The following MAD1L1 variants were observed in gnomAD, a reference collection of about 807,000 sequenced individuals.
The protein encoded by MAD1L1 is mitotic spindle assembly checkpoint protein MAD1.
Under a neutral mutation model 96.9 loss-of-function variants are expected in MAD1L1, and 95 were observed. The ratio of observed to expected loss-of-function variants is 0.98; its 90% confidence interval spans 0.83 to 1.16. The LOEUF is 1.16. Among genes scored for constraint, MAD1L1 ranks in the 50% most tolerant of loss-of-function variants. MAD1L1 has a pLI of 0.00. For synonymous variants in MAD1L1, 473 were observed against 396.6 expected (o/e 1.19, Z -2.29); for missense variants, 1,007 against 954.4 (o/e 1.06, Z -0.73).
At chr7:1,870,987 TG>T (rs149106182) in intron 18 of MAD1L1, among the ~76,000 whole-genome samples, 1,687 of 137,280 alleles carry the variant, frequency 0.012, 71 homozygotes, top group African/African-American at 0.044. Flanking sequence ...AACATACGCC[TG>T]CCATGCCGAA....
chr7:2,219,515 C>G, intron 5 of MAD1L1, 59 bp from the exon 6 acceptor site: 1 of 1,583,632 alleles, frequency 6.3e-7, no homozygotes, highest in East Asian at 2.3e-5. Flanking sequence ...GTGGAAGGAG[C>G]CTGCACATGG....
At chr7:2,107,060 C>G (rs1278904738) in intron 11 of MAD1L1, among the ~76,000 whole-genome samples, 2 of 152,228 alleles carry the variant, frequency 1.3e-5, no homozygotes, top group Non-Finnish European at 2.9e-5. Flanking sequence ...CACCCACATA[C>G]AGCATCACTC....
chr7:2,064,077 T>C (rs1023408531), intron 12 of MAD1L1, among the ~76,000 whole-genome samples: 11 of 152,186 alleles, frequency 7.2e-5, no homozygotes, highest in Admixed American at 7.2e-4. Flanking sequence ...TGTCCTGTTC[T>C]GGGCCTGGCC....
chr7:1,929,775 C>CAT (rs1789332648), intron 17 of MAD1L1, among the ~76,000 whole-genome samples: 12 of 144,326 alleles, frequency 8.3e-5, no homozygotes, highest in Non-Finnish European at 1.5e-4. Context: ...TCCCCTCGCC[C>CAT]CGTCCCCACT....
chr7:2,070,552 C>T (rs1319648195), intron 11 of MAD1L1, among the ~76,000 whole-genome samples: 5 of 151,772 alleles, frequency 3.3e-5, no homozygotes, highest in Admixed American at 1.3e-4. Flanking sequence ...GGTGCGAGTC[C>T]GCGGAGGGAG....
intron 18 of MAD1L1, among the ~76,000 whole-genome samples, chr7:1,856,612 T>C (rs1385305411): frequency 6.6e-6 from 1 of 152,152 alleles, no homozygotes; most frequent in African/African-American, 2.4e-5. Flanking sequence ...ATAAGATTCA[T>C]TAATAAAGAA....
At chr7:2,037,853 G>A (rs1290385505) in intron 12 of MAD1L1, among the ~76,000 whole-genome samples, 1 of 152,056 alleles carries the variant, frequency 6.6e-6, no homozygotes, top group East Asian at 1.9e-4. Flanking sequence ...CCCTACAACA[G>A]CCTCTAAGCA....
intron 12 of MAD1L1, among the ~76,000 whole-genome samples, chr7:2,033,301 G>C (rs778205774): frequency 1.3e-5 from 2 of 152,122 alleles, no homozygotes; most frequent in African/African-American, 4.8e-5. Flanking sequence ...CAGATGACCC[G>C]GTCACCCCTG....
At chr7:2,082,911 T>C (rs1785725518) in intron 11 of MAD1L1, among the ~76,000 whole-genome samples, 1 of 152,218 alleles carries the variant, frequency 6.6e-6, no homozygotes, top group Admixed American at 6.5e-5. Context: ...GATTTTGCCA[T>C]CCTTGACCCA....
chr7:2,229,045 T>G (rs1027171156), intron 3 of MAD1L1, among the ~76,000 whole-genome samples: 3 of 152,198 alleles, frequency 2.0e-5, no homozygotes, highest in Non-Finnish European at 4.4e-5. Context: ...AAGCTAGCAT[T>G]CTAATAAACA....
intron 11 of MAD1L1, among the ~76,000 whole-genome samples, chr7:2,073,524 G>C (rs1479671416): frequency 1.3e-5 from 2 of 152,118 alleles, no homozygotes; most frequent in African/African-American, 4.8e-5. Flanking sequence ...GTGACTGTAG[G>C]TCACCATCTC....
intron 10 of MAD1L1, among the ~76,000 whole-genome samples, chr7:2,160,357 G>A (rs1196344200): frequency 6.3e-5 from 8 of 127,320 alleles, no homozygotes; most frequent in South Asian, 2.5e-4. Flanking sequence ...TTTTGAGACA[G>A]AGTCTCACTC....
chr7:2,153,878 C>T (rs1346203074), intron 10 of MAD1L1, among the ~76,000 whole-genome samples: 1 of 152,204 alleles, frequency 6.6e-6, no homozygotes, highest in Non-Finnish European at 1.5e-5. Flanking sequence ...AAGAGCTGGG[C>T]CGAGCGCGGT....
At chr7:2,124,764 G>A (rs182800088) in intron 11 of MAD1L1, among the ~76,000 whole-genome samples, 240 of 152,252 alleles carry the variant, frequency 1.6e-3, no homozygotes, top group Middle Eastern at 3.4e-3. Context: ...GGTGCCCGGC[G>A]CTTGTGGGAG....
At chr7:1,867,689 C>T (rs1784844205) in intron 18 of MAD1L1, among the ~76,000 whole-genome samples, 1 of 152,218 alleles carries the variant, frequency 6.6e-6, no homozygotes, top group Non-Finnish European at 1.5e-5. Context: ...GCCACGCTTC[C>T]TGGCCTCCGG....
chr7:2,006,328 G>GT, intron 13 of MAD1L1, among the ~76,000 whole-genome samples: 1 of 152,296 alleles, frequency 6.6e-6, no homozygotes, highest in African/African-American at 2.4e-5. Context: ...GCAGGAGGGA[G>GT]TTGGGAGAAC....
intron 11 of MAD1L1, among the ~76,000 whole-genome samples, chr7:2,080,582 C>A (rs1428276909): frequency 6.8e-6 from 1 of 146,624 alleles, no homozygotes; most frequent in Non-Finnish European, 1.5e-5. Context: ...GTAGGAAGCC[C>A]AGGATTCCGG....
chr7:2,225,441 C>G lies in MAD1L1; in HGVS notation c.260G>C (p.Arg87Thr). ...GTTCCTGGCACTGGTGCTGGCTGCT[C>G]TCTCCAGCTCCACTCGAGCCCTCTT... ...SHKRARVELE[R>T]AASTSARNYE... is the part of the protein sequence containing the mutation. Residue 87 changes from arginine to threonine, a missense_variant, in exon 4 of 19, where the codon AGA (arginine) becomes ACA (threonine). Coordinates refer to ENST00000265854, the MANE Select transcript of MAD1L1 (RefSeq NM_001013836.2). The G allele has an allele frequency of 6.2e-7, 1 of 1,613,772 alleles. No homozygotes were observed. The highest frequency in any genetic ancestry group is 8.5e-7 in the Non-Finnish European group (1 of 1,180,022).
chr7:2,024,645 A>C lies in MAD1L1; in HGVS notation c.1219-10003T>G, dbSNP rs189528876. Among the ~76,000 whole-genome samples, 4 of 152,308 alleles carry C rather than the reference A, an allele frequency of 2.6e-5. No individual in the cohort carries two copies. The East Asian group carries it at 7.7e-4, about 29-fold the overall frequency. ...TAATAAACGCTTCAAATGATCACTC[A>C]GGGTTTAGTGCTTCTCTCTTTGGAA... is the stretch of plus-strand genomic sequence containing the variant. On this transcript the variant is annotated intron_variant, in intron 12 of 18. Coordinates refer to ENST00000265854, the MANE Select transcript of MAD1L1 (RefSeq NM_001013836.2).
Sources: allele counts gnomAD v4.1 joint callset (sites outside exome capture counted in the v4.1 genomes callset), GRCh38; gene constraint gnomAD v4.1.1; transcripts MANE v1.5; gene names NCBI Gene and HGNC (gene_info 2026-07-23, HGNC 2026-07-21).